The following GON4L variants were observed in gnomAD, a reference collection of about 807,000 sequenced individuals.
GON4L encodes gon-4 like.
GON4L carries 87 observed loss-of-function variants against 211.8 expected under a neutral mutation model. The ratio of observed to expected loss-of-function variants is 0.41; its 90% CI spans 0.35 to 0.49. The LOEUF is 0.49. GON4L is among the 20% of genes least tolerant of loss of function. GON4L has a pLI of 0.15. For missense variants in GON4L, 2,155 were observed against 2,659.5 expected (o/e 0.81, Z 4.17); for synonymous variants, 875 against 962.6 (o/e 0.91, Z 1.68).
downstream of GON4L, chr1:155,745,744 A>T (rs995493376): frequency 1.9e-6 from 2 of 1,052,564 alleles, no homozygotes; most frequent in Non-Finnish European, 2.8e-6. Flanking sequence ...CCAGTATAAC[A>T]CCCGCCCACG....
At chr1:155,817,109 C>A (rs1394729712) in intron 6 of GON4L, among the ~76,000 whole-genome samples, 2 of 152,060 alleles carry the variant, frequency 1.3e-5, no homozygotes, top group Admixed American at 1.3e-4. Flanking sequence ...CCTGCCTCAG[C>A]CTACTAATTA....
intron 6 of GON4L, among the ~76,000 whole-genome samples, chr1:155,817,402 A>C (rs1668345327): frequency 6.6e-6 from 1 of 152,224 alleles, no homozygotes; most frequent in African/African-American, 2.4e-5. Context: ...TATGAACAAA[A>C]GCCAACTGGC....
chr1:155,857,845 G>A (rs1035383634), upstream of GON4L, among the ~76,000 whole-genome samples: 4 of 152,098 alleles, frequency 2.6e-5, no homozygotes, highest in African/African-American at 7.2e-5. Flanking sequence ...TACAAATAGT[G>A]CAGGCTCCTG....
chr1:155,818,984 T>C (rs1187075055), intron 6 of GON4L, among the ~76,000 whole-genome samples: 3 of 138,952 alleles, frequency 2.2e-5, no homozygotes, highest in Non-Finnish European at 4.7e-5. Context: ...GGTGACAGAG[T>C]GAGACTCCAT....
Position 155,757,291 on chromosome 1 carries a change from G to C in GON4L, c.5286C>G (p.Gly1762=), listed in dbSNP as rs1165605520. The C allele has an allele frequency of 6.2e-7, 1 of 1,613,888 alleles. No homozygotes were observed. Among genetic ancestry groups the C allele is most frequent in the East Asian group, 2.2e-5 (1 of 44,874 alleles). The change falls in exon 26 of 32, where the codon GGC becomes GGG. Residue 1762 remains glycine, a synonymous_variant. Transcript: ENST00000368331. ...LKTQMWQLLK[G]HDHLQDEFSI... is the part of the protein sequence containing the mutation. Reference sequence around the variant, plus strand: ...AAAACTCATCCTGCAGGTGGTCGTGGCCCTTGAGGAGCTGCCACATCTGTG... The same window carrying C: ...AAAACTCATCCTGCAGGTGGTCGTGCCCCTTGAGGAGCTGCCACATCTGTG...
intron 11 of GON4L, among the ~76,000 whole-genome samples, chr1:155,804,630 A>C (rs1204507651): frequency 1.3e-5 from 2 of 151,824 alleles, no homozygotes; most frequent in African/African-American, 4.8e-5. Flanking sequence ...CAAAAAATAA[A>C]AAATTAGTCG....
At chr1:155,847,576 C>T (rs975427249) in intron 2 of GON4L, among the ~76,000 whole-genome samples, 1 of 152,100 alleles carries the variant, frequency 6.6e-6, no homozygotes, top group African/African-American at 2.4e-5. Context: ...GTAGCGGGTA[C>T]CTATAACCCC....
intron 10 of GON4L, among the ~76,000 whole-genome samples, chr1:155,807,836 C>T (rs1667302344): frequency 6.6e-6 from 1 of 150,928 alleles, no homozygotes; most frequent in South Asian, 2.1e-4. Flanking sequence ...TTAATTTCCA[C>T]AAAAATGGTA....
At chr1:155,824,722 C>T (rs186977948) in intron 3 of GON4L, among the ~76,000 whole-genome samples, 1 of 131,380 alleles carries the variant, frequency 7.6e-6, no homozygotes, top group Admixed American at 8.6e-5. Flanking sequence ...CCAGCCTGGG[C>T]GACAGAGTGA....
intron 14 of GON4L, among the ~76,000 whole-genome samples, chr1:155,781,349 T>C (rs1319326282): frequency 6.6e-6 from 1 of 152,082 alleles, no homozygotes; most frequent in South Asian, 2.1e-4. Context: ...TTTCGCCATG[T>C]TGGCCAAGCT....
intron 3 of GON4L, 28 bp downstream of exon 3, chr1:155,826,809 T>C (rs753417337): frequency 1.4e-6 from 2 of 1,448,788 alleles, no homozygotes; most frequent in South Asian, 2.3e-5. Flanking sequence ...AGAGGTTTCA[T>C]TTAATTAAAA....
chr1:155,752,932 A>G (rs6688399), intron 29 of GON4L, among the ~76,000 whole-genome samples: 9,752 of 152,218 alleles, frequency 0.064, 1,082 homozygotes, highest in African/African-American at 0.22. Context: ...AGATTACACT[A>G]GATTTGGAGA....
chr1:155,795,376 G>A (rs112437449), intron 11 of GON4L, among the ~76,000 whole-genome samples: 21 of 151,934 alleles, frequency 1.4e-4, no homozygotes, highest in African/African-American at 5.1e-4. Flanking sequence ...ACAGGCATAC[G>A]CCACCACACC....
chr1:155,823,898 C>A (rs822477), intron 3 of GON4L, among the ~76,000 whole-genome samples: 126,086 of 151,874 alleles, frequency 0.83, 54,874 homozygotes, highest in East Asian at 1. Flanking sequence ...CACACACACA[C>A]AAAAAAACCA....
At chr1:155,855,979 C>T (rs1245986191) in intron 1 of GON4L, among the ~76,000 whole-genome samples, 2 of 23,708 alleles carry the variant, frequency 8.4e-5, no homozygotes, top group East Asian at 2.2e-3. Flanking sequence ...GAGACTCTGT[C>T]AAAAAAAAAA....
intron 6 of GON4L, among the ~76,000 whole-genome samples, chr1:155,819,802 C>G (rs986044195): frequency 1.3e-5 from 2 of 152,222 alleles, no homozygotes; most frequent in African/African-American, 4.8e-5. Flanking sequence ...GTTCTCAACA[C>G]TTTAGTATTC....
chr1:155,751,276 G>A (rs1432848970), intron 31 of GON4L, among the ~76,000 whole-genome samples: 5 of 152,092 alleles, frequency 3.3e-5, no homozygotes, highest in Non-Finnish European at 7.4e-5. Flanking sequence ...CTGGCCGGGC[G>A]CAGTATCTCA....
chr1:155,812,190 T>C (rs1203755413), intron 10 of GON4L, among the ~76,000 whole-genome samples: 2 of 152,136 alleles, frequency 1.3e-5, no homozygotes, highest in African/African-American at 2.4e-5. Flanking sequence ...AAAGTTAACA[T>C]TACAGGGATC....
chr1:155,772,183 T>C (rs1038678587), intron 18 of GON4L, among the ~76,000 whole-genome samples: 2 of 151,770 alleles, frequency 1.3e-5, no homozygotes, highest in Non-Finnish European at 2.9e-5. Flanking sequence ...TTCACAATTA[T>C]GTGGGAACAT....
Sources: allele counts gnomAD v4.1 joint callset (sites outside exome capture counted in the v4.1 genomes callset), GRCh38; gene constraint gnomAD v4.1.1; transcripts MANE v1.5; gene names NCBI Gene and HGNC (gene_info 2026-07-23, HGNC 2026-07-21).